The following PCDH1 variants were observed in gnomAD, a reference collection of about 807,000 sequenced individuals.
PCDH1 encodes protocadherin 1.
A neutral mutation model predicts 74.6 loss-of-function variants in PCDH1; 23 were observed. The observed-to-expected ratio is 0.31, with a 90% confidence interval of 0.22 to 0.44. PCDH1 has a LOEUF of 0.44. Among genes scored for constraint, PCDH1 ranks in the 20% least tolerant of loss-of-function variants. PCDH1 has a pLI of 1.00. For missense variants in PCDH1, 1,214 were observed against 1,641.4 expected (o/e 0.74, Z 4.50); for synonymous variants, 647 against 686.1 (o/e 0.94, Z 0.89).
Position 141,878,159 on chromosome 5 carries a change from C to A in PCDH1, c.40+64G>T. The stretch of plus-strand genomic sequence containing the variant: ...TCCGCCGAGCGCCCCTCCCTCAGCT[C>A]CCGCCGGCCATGACCGCTTCGGGCC... On this transcript the variant is annotated intron_variant, in intron 1 of 4. Transcript: ENST00000287008. The surrounding 1 kb of genome is among the most constrained non-coding windows in gnomAD (Gnocchi z 5.5). 2 of 1,392,008 alleles carry A rather than the reference C, an allele frequency of 1.4e-6. No homozygotes were observed. Among genetic ancestry groups the A allele is most frequent in the Non-Finnish European group, 1.9e-6 (2 of 1,065,332 alleles). The allele number at this position is 1,392,008 out of a possible 1,614,324, so 86.2% of individuals were successfully genotyped here. A position where few individuals can be genotyped will look rare whatever the true frequency, so the allele number is the denominator to read the frequency against.
intron 1 of PCDH1, among the ~76,000 whole-genome samples, chr5:141,873,084 T>A (rs759881882): frequency 2.0e-5 from 3 of 151,992 alleles, no homozygotes; most frequent in African/African-American, 7.2e-5. Flanking sequence ...GGGTACAACT[T>A]TGAGATAATT....
At position 141,865,607 on chromosome 5, in the gene PCDH1, G is replaced by A. The variant is rs2126819957; in HGVS notation, c.904-180C>T. The stretch of plus-strand genomic sequence containing the variant: ...GCCTTTTCCCAATTCGGACATTCTG[G>A]CAGGCATTACTAACCTATTTTCCTG... On this transcript the variant is annotated intron_variant, in intron 2 of 4. Transcript: ENST00000287008. The surrounding 1 kb of genome is among the most constrained non-coding windows in gnomAD (Gnocchi z 4.4). Among the ~76,000 whole-genome samples, 1 of 152,296 alleles carries A rather than the reference G, an allele frequency of 6.6e-6. No homozygotes were observed. Among genetic ancestry groups the A allele is most frequent in the South Asian group, 2.1e-4 (1 of 4,826 alleles).
chr5:141,866,319 G>T, intron 2 of PCDH1: 8 of 778,762 alleles, frequency 1.0e-5, no homozygotes, highest in Non-Finnish European at 1.2e-5. Flanking sequence ...GCAGTGGGCT[G>T]GGCTCCCAGC....
chr5:141,867,507 T>A (rs1490810243), intron 2 of PCDH1: 1 of 436,522 alleles, frequency 2.3e-6, no homozygotes. Context: ...ATACACATCA[T>A]GTGTTTAGAA....
rs201001001 is a variant in PCDH1, at chr5:141,868,964, A to G, written c.508T>C (p.Ser170Pro). ...GGGATGGCCAGAGTGATGACTGGTGAGGCGAAGTTGGGTGTGTTGTCATTG... is the reference window on the plus strand; with the variant it reads ...GGGATGGCCAGAGTGATGACTGGTGGGGCGAAGTTGGGTGTGTTGTCATTG... ...DINDNTPNFA[S>P]PVITLAIPEN... Residue 170 changes from serine to proline, a missense_variant, in exon 2 of 5, where the codon TCA (serine) becomes CCA (proline). Coordinates refer to ENST00000287008, the MANE Select transcript of PCDH1 (RefSeq NM_032420.5). The surrounding 1 kb of genome is among the most constrained non-coding windows in gnomAD (Gnocchi z 4.8). 1.0e-4 allele frequency: 167 copies of G among 1,614,024 alleles called. No individual in the cohort carries two copies. Among genetic ancestry groups the G allele is most frequent in the Non-Finnish European group, 6.8e-6 (8 of 1,180,036 alleles).
chr5:141,869,005 A>G lies in PCDH1; in HGVS notation c.467T>C (p.Ile156Thr), dbSNP rs1392672028. The G allele has an allele frequency of 6.2e-7, 1 of 1,614,042 alleles. No homozygotes were observed. The highest frequency in any genetic ancestry group is 1.3e-5 in the African/African-American group (1 of 74,918). ...NGSPRLLEGQIEVQDINDNTP... is the reference protein window; with the variant it reads ...NGSPRLLEGQTEVQDINDNTP... ...GTTGTCATTGATGTCTTGTACTTCTATCTGGCCCTCTAGCAGCCGGGGGCT... is the reference window on the plus strand; with the variant it reads ...GTTGTCATTGATGTCTTGTACTTCTGTCTGGCCCTCTAGCAGCCGGGGGCT... The change falls in exon 2 of 5, where the codon ATA becomes ACA. Residue 156 changes from isoleucine (I) to threonine (T), a missense_variant. By Grantham distance (89) the Ile-to-Thr change is moderately conservative (BLOSUM62 -1). Transcript: ENST00000287008. The surrounding 1 kb of genome is among the most constrained non-coding windows in gnomAD (Gnocchi z 4.9).
rs547878410 is a variant in PCDH1, at chr5:141,868,408, T to A, written c.903+161A>T. 1 of 1,386,428 alleles carries A rather than the reference T, an allele frequency of 7.2e-7. No individual in the cohort carries two copies. Among genetic ancestry groups the A allele is most frequent in the East Asian group, 2.6e-5 (1 of 37,958 alleles). The allele number at this position is 1,386,428 out of a possible 1,614,324, so 85.9% of individuals were successfully genotyped here. ...AGGAAAGTAATATCACCTGCTGGGG[T>A]GGGGTGGGAAAGACTCCCCTGGCTG... On this transcript the variant is annotated intron_variant, in intron 2 of 4. Coordinates refer to ENST00000287008, the MANE Select transcript of PCDH1 (RefSeq NM_032420.5). The surrounding 1 kb of genome is among the most constrained non-coding windows in gnomAD (Gnocchi z 4.8).
chr5:141,869,654 A>C lies in PCDH1; in HGVS notation c.41-223T>G. ...TCTGCCCCAGCTGGAGGAGCCAGTA[A>C]GAGGCCTGGCATGCCTAGAGCAGCT... On this transcript the variant is annotated intron_variant, in intron 1 of 4. Coordinates refer to ENST00000287008, the MANE Select transcript of PCDH1 (RefSeq NM_032420.5). The surrounding 1 kb of genome is among the most constrained non-coding windows in gnomAD (Gnocchi z 4.9). 6.5e-7 allele frequency: 1 copy of C among 1,532,632 alleles called. No homozygotes were observed. Among genetic ancestry groups the C allele is most frequent in the Non-Finnish European group, 8.7e-7 (1 of 1,145,400 alleles). 94.9% of individuals were successfully genotyped at this position (1,532,632 alleles called of 1,614,324 possible). A position where few individuals can be genotyped will look rare whatever the true frequency, so the allele number is the denominator to read the frequency against.
intron 2 of PCDH1, chr5:141,867,712 G>A: frequency 2.5e-6 from 1 of 403,818 alleles, no homozygotes; most frequent in Non-Finnish European, 4.8e-6. Context: ...TGGTGTCCAG[G>A]GCAGGCCGAG....
At chr5:141,866,948 G>A (rs1158902464) in intron 2 of PCDH1, among the ~76,000 whole-genome samples, 4 of 152,192 alleles carry the variant, frequency 2.6e-5, no homozygotes, top group African/African-American at 7.2e-5. Context: ...GGGAACTCCA[G>A]CTATCCCCGC....
At chr5:141,870,773 C>T (rs1437186272) in intron 1 of PCDH1, among the ~76,000 whole-genome samples, 1 of 152,184 alleles carries the variant, frequency 6.6e-6, no homozygotes, top group Non-Finnish European at 1.5e-5. Flanking sequence ...AATGCCCCCT[C>T]CTCTCCAACA....
intron 1 of PCDH1, among the ~76,000 whole-genome samples, chr5:141,876,485 G>T (rs561059893): frequency 7.0e-4 from 107 of 152,346 alleles, no homozygotes; most frequent in African/African-American, 2.4e-3. Context: ...CTCTCGTGGC[G>T]AGCAGAGGGG....
chr5:141,873,084 T>C (rs759881882), intron 1 of PCDH1, among the ~76,000 whole-genome samples: 1 of 151,992 alleles, frequency 6.6e-6, no homozygotes, highest in Non-Finnish European at 1.5e-5. Context: ...GGGTACAACT[T>C]TGAGATAATT....
rs567480080 is a variant in PCDH1, at chr5:141,867,133, A to AG, written c.903+1435dup. Among the ~76,000 whole-genome samples the AG allele has an allele frequency of 1.8e-4, 28 of 152,272 alleles. No individual in the cohort carries two copies. The South Asian group carries it at 5.8e-3, about 32-fold the overall frequency. ...TCCCTTGGCTCTAGATTGGTCTTCC[A>AG]GCTTATCTGTCTCTTGTCTTACCTC... On this transcript the variant is annotated intron_variant, in intron 2 of 4. Coordinates refer to ENST00000287008, the MANE Select transcript of PCDH1 (RefSeq NM_032420.5).
rs1753104289 is a variant in PCDH1, at chr5:141,871,956, T to C, written c.41-2525A>G. On this transcript the variant is annotated intron_variant, in intron 1 of 4. Transcript: ENST00000287008. ...CACATAGTAGACTCTCAGCAAATGT[T>C]CACTGAATGCACAGAGTCTTTAGAT... Among the ~76,000 whole-genome samples the C allele has an allele frequency of 2.6e-5, 4 of 152,318 alleles. No individual in the cohort carries two copies. In the South Asian group the frequency reaches 8.3e-4, roughly 32 times the overall value.
At chr5:141,856,888 A>G (rs1752369810) in intron 4 of PCDH1, among the ~76,000 whole-genome samples, 2 of 152,154 alleles carry the variant, frequency 1.3e-5, no homozygotes, top group Admixed American at 1.3e-4. Context: ...TCTGGCCACC[A>G]CACTCAGGGT....
chr5:141,853,823 G>A lies in PCDH1; in HGVS notation c.*219C>T. 2.4e-6 allele frequency: 1 copy of A among 420,224 alleles called. No individual in the cohort carries two copies. The highest frequency in any genetic ancestry group is 4.2e-6 in the Non-Finnish European group (1 of 238,704). The allele number at this position is 420,224 out of a possible 1,614,324, so 26.0% of individuals were successfully genotyped here. A position where few individuals can be genotyped will look rare whatever the true frequency, so the allele number is the denominator to read the frequency against. Reference sequence around the variant, plus strand: ...CATCAGATGGGGGAAGCCCCATAAAGGGGAAGGGGCCCCTGGGGGCTGGGA... The same window carrying A: ...CATCAGATGGGGGAAGCCCCATAAAAGGGAAGGGGCCCCTGGGGGCTGGGA... On this transcript the variant is annotated 3_prime_UTR_variant, in exon 5 of 5. Coordinates refer to ENST00000287008, the MANE Select transcript of PCDH1 (RefSeq NM_032420.5).
intron 1 of PCDH1, among the ~76,000 whole-genome samples, chr5:141,873,949 G>A (rs1196421883): frequency 1.3e-5 from 2 of 152,160 alleles, no homozygotes; most frequent in Non-Finnish European, 2.9e-5. Context: ...GGCTGAGAAA[G>A]AATAAACTGT....
chr5:141,873,450 CG>C (rs1472619963), intron 1 of PCDH1, among the ~76,000 whole-genome samples: 5 of 142,958 alleles, frequency 3.5e-5, no homozygotes, highest in African/African-American at 1.3e-4. Context: ...GTCCTGCAAA[CG>C]TTTTTTTTTT....
Sources: gnomAD v4.1 joint callset for allele counts (sites outside exome capture counted in the v4.1 genomes callset) on GRCh38, gnomAD v4.1.1 for gene constraint, Gnocchi (gnomAD v3.1) non-coding constraint, MANE v1.5 for transcripts, NCBI Gene and HGNC (gene_info 2026-07-23, HGNC 2026-07-21) for gene names.